The following KCNH7 variants were observed in gnomAD, a reference collection of about 807,000 sequenced individuals.
KCNH7 encodes the protein potassium voltage-gated channel subfamily H member 7, also known as voltage-gated inwardly rectifying potassium channel KCNH7.
KCNH7 carries 49 observed loss-of-function variants against 120.8 expected under a neutral mutation model. The ratio of observed to expected loss-of-function variants is 0.41; its 90% CI spans 0.32 to 0.51. The LOEUF (loss-of-function observed/expected upper bound fraction) is 0.51. Ranked by LOEUF, KCNH7 falls within the 20% of genes least tolerant of loss-of-function variation. The pLI, the probability that KCNH7 is intolerant of heterozygous loss-of-function variation, is 0.38. For missense variants in KCNH7, 1,097 were observed against 1,446.6 expected (o/e 0.76, Z 3.92); for synonymous variants, 547 against 516.1 (o/e 1.06, Z -0.81).
chr2:162,638,821 G>A (rs1189647139), intron 2 of KCNH7, among the ~76,000 whole-genome samples: 2 of 152,090 alleles, frequency 1.3e-5, no homozygotes, highest in Non-Finnish European at 2.9e-5. Flanking sequence ...AGAGGGCCTA[G>A]AGAAAGTAGG....
chr2:162,764,824 G>A (rs562701451), intron 2 of KCNH7, among the ~76,000 whole-genome samples: 1 of 152,132 alleles, frequency 6.6e-6, no homozygotes, highest in East Asian at 1.9e-4. Flanking sequence ...ATGTTATGAA[G>A]CATCATACAT....
At chr2:162,734,484 G>A (rs766978904) in intron 2 of KCNH7, among the ~76,000 whole-genome samples, 2 of 151,982 alleles carry the variant, frequency 1.3e-5, no homozygotes, top group East Asian at 1.9e-4. Context: ...ACTTTTTGTC[G>A]ATATTGCGTT....
At chr2:162,551,201 G>A (rs902832793) in intron 2 of KCNH7, among the ~76,000 whole-genome samples, 2 of 152,040 alleles carry the variant, frequency 1.3e-5, no homozygotes, top group African/African-American at 4.8e-5. Flanking sequence ...CAAAGAAACA[G>A]CAAAAACTGA....
At chr2:162,506,475 G>A (rs1259423834) in intron 5 of KCNH7, among the ~76,000 whole-genome samples, 1 of 151,688 alleles carries the variant, frequency 6.6e-6, no homozygotes, top group East Asian at 1.9e-4. Flanking sequence ...CTTAGATATT[G>A]TCTTTTCCCC....
intron 2 of KCNH7, among the ~76,000 whole-genome samples, chr2:162,619,378 T>A (rs1445417182): frequency 2.6e-5 from 4 of 151,958 alleles, no homozygotes; most frequent in Admixed American, 1.3e-4. Flanking sequence ...AAAAGTTCTT[T>A]AAGATGTAGT....
At chr2:162,431,207 C>A (rs999189509) in intron 8 of KCNH7, among the ~76,000 whole-genome samples, 1 of 151,982 alleles carries the variant, frequency 6.6e-6, no homozygotes, top group African/African-American at 2.4e-5. Flanking sequence ...TTTTCTACAA[C>A]TTGGCTTCAA....
chr2:162,376,355 C>G (rs1686178410), intron 14 of KCNH7, among the ~76,000 whole-genome samples: 1 of 149,712 alleles, frequency 6.7e-6, no homozygotes, highest in Non-Finnish European at 1.5e-5. Context: ...CTTCCCTACT[C>G]AAAGTGTGGT....
At chr2:162,746,547 T>C (rs1305830223) in intron 2 of KCNH7, among the ~76,000 whole-genome samples, 1 of 152,108 alleles carries the variant, frequency 6.6e-6, no homozygotes, top group African/African-American at 2.4e-5. Flanking sequence ...ACACTTTTTT[T>C]TCCCTGACAT....
chr2:162,630,942 G>A (rs941490615), intron 2 of KCNH7, among the ~76,000 whole-genome samples: 2 of 151,980 alleles, frequency 1.3e-5, no homozygotes, highest in Non-Finnish European at 1.5e-5. Context: ...GGAGAGTCCT[G>A]GCATGGCTGC....
intron 6 of KCNH7, among the ~76,000 whole-genome samples, chr2:162,480,203 G>A (rs894841966): frequency 2.0e-5 from 3 of 151,980 alleles, no homozygotes; most frequent in African/African-American, 7.3e-5. Flanking sequence ...CACTTGCGGT[G>A]TATGCATTTT....
chr2:162,564,884 T>C (rs1693199474), intron 2 of KCNH7, among the ~76,000 whole-genome samples: 1 of 152,160 alleles, frequency 6.6e-6, no homozygotes, highest in Non-Finnish European at 1.5e-5. Flanking sequence ...TAATTTTTTA[T>C]AGTCTCTCCA....
chr2:162,518,065 T>A lies in KCNH7; in HGVS notation c.557A>T (p.Asp186Val), dbSNP rs770723227. The change falls in exon 4 of 16, where the codon GAT becomes GTT. Residue 186 changes from aspartate to valine, a missense_variant. Physicochemically the swap from Asp to Val is radical, Grantham distance 152. Around this residue, in one of 8 missense-constraint regions of KCNH7, gnomAD observed 362 missense variants for 372.2 expected, o/e 0.97. Transcript: ENST00000332142. The stretch of plus-strand genomic sequence containing the variant: ...TGAATCATCACTGTGTTTAGATGAA[T>A]CGATGACCACCACATCGGGGTCTTC... ...PQEDPDVVVI[D>V]SSKHSDDSVA... 3 of 1,612,310 alleles carry A rather than the reference T, an allele frequency of 1.9e-6. 1 individual carries two copies. Among genetic ancestry groups the A allele is most frequent in the South Asian group, 2.2e-5 (2 of 91,058 alleles).
intron 9 of KCNH7, among the ~76,000 whole-genome samples, chr2:162,413,497 TA>T (rs1296647933): frequency 1.2e-4 from 19 of 152,256 alleles, no homozygotes; most frequent in South Asian, 1.0e-3. Context: ...ATCCCAATTA[TA>T]CCCAATGATG....
chr2:162,571,281 G>A (rs1218614380), intron 2 of KCNH7, among the ~76,000 whole-genome samples: 6 of 152,058 alleles, frequency 3.9e-5, no homozygotes, highest in African/African-American at 7.2e-5. Flanking sequence ...ATCATGAGTG[G>A]ACTCCCATTC....
At chr2:162,593,426 C>A (rs978972715) in intron 2 of KCNH7, among the ~76,000 whole-genome samples, 2 of 152,024 alleles carry the variant, frequency 1.3e-5, no homozygotes, top group African/African-American at 4.8e-5. Context: ...TAAGCAGAGT[C>A]AATCTTAGTC....
At chr2:162,686,916 G>T (rs1406116108) in intron 2 of KCNH7, among the ~76,000 whole-genome samples, 1 of 150,864 alleles carries the variant, frequency 6.6e-6, no homozygotes, top group Non-Finnish European at 1.5e-5. Context: ...CCCCAGTAAA[G>T]CCCATGTTCA....
At chr2:162,383,143 T>C (rs944195094) in intron 13 of KCNH7, among the ~76,000 whole-genome samples, 1 of 151,934 alleles carries the variant, frequency 6.6e-6, no homozygotes, top group African/African-American at 2.4e-5. Context: ...ATTATATATT[T>C]AATAATTCGC....
At chr2:162,646,728 C>T (rs1215335205) in intron 2 of KCNH7, among the ~76,000 whole-genome samples, 1 of 152,056 alleles carries the variant, frequency 6.6e-6, no homozygotes, top group Non-Finnish European at 1.5e-5. Flanking sequence ...AGACAGCAGC[C>T]CTCAGATGAC....
intron 2 of KCNH7, among the ~76,000 whole-genome samples, chr2:162,602,937 G>A (rs996395569): frequency 2.7e-5 from 4 of 150,734 alleles, no homozygotes; most frequent in Non-Finnish European, 5.9e-5. Flanking sequence ...GGAGGAGGTT[G>A]AGCTGGAGGA....
Sources: allele counts gnomAD v4.1 joint callset (sites outside exome capture counted in the v4.1 genomes callset), GRCh38; gene constraint gnomAD v4.1.1; regional missense constraint gnomAD v4.1.1; transcripts MANE v1.5; gene names NCBI Gene and HGNC (gene_info 2026-07-23, HGNC 2026-07-21).